Variants in DTNA observed in about 807,000 individuals in gnomAD.
DTNA encodes dystrophin-related protein 3.
DTNA carries 43 observed loss-of-function variants against 100.7 expected under a neutral mutation model. That is an observed-to-expected ratio of 0.43 (90% CI 0.33 to 0.55). DTNA has a LOEUF of 0.55. Among genes scored for constraint, DTNA ranks in the 20% least tolerant of loss-of-function variants. The probability of loss-of-function intolerance (pLI) is 0.04; values close to 1 mark genes in which losing one functional copy is unlikely to be tolerated. For missense variants in DTNA, 798 were observed against 953.9 expected (o/e 0.84, Z 2.15); for synonymous variants, 349 against 347.9 (o/e 1.00, Z -0.04).
Position 34,858,381 on chromosome 18 carries a change from A to G in DTNA, c.1629A>G (p.Ala543=), listed in dbSNP as rs1568803861. 10 of 1,614,184 alleles carry G rather than the reference A, an allele frequency of 6.2e-6. No individual in the cohort carries two copies. Among genetic ancestry groups the G allele is most frequent in the Non-Finnish European group, 8.5e-6 (10 of 1,180,034 alleles). Residue 543 remains alanine (A), a synonymous_variant, in exon 16 of 23, where the codon GCA becomes GCG. Transcript: ENST00000444659. The part of the protein sequence containing the change: ...EKAQQNPTLL[A]ELRLLRQRKD... ...CACAGCAAAACCCCACCCTGCTGGC[A>G]GAACTCCGGCTCCTCAGGTAGGAGA...
intron 1 of DTNA, among the ~76,000 whole-genome samples, chr18:34,494,763 A>C (rs147386833): frequency 6.6e-6 from 1 of 152,184 alleles, no homozygotes; most frequent in East Asian, 1.9e-4. Flanking sequence ...TTGTCTTTTG[A>C]GTTGATGCTT....
intron 6 of DTNA, 170 bp from the exon 7 acceptor site, chr18:34,815,739 G>C: frequency 1.6e-6 from 1 of 630,184 alleles, no homozygotes; most frequent in Non-Finnish European, 2.8e-6. Context: ...AGCAAACGAT[G>C]TTTTCAGTTC....
At chr18:34,660,774 G>A (rs968914918) in intron 1 of DTNA, among the ~76,000 whole-genome samples, 3 of 152,070 alleles carry the variant, frequency 2.0e-5, no homozygotes, top group Non-Finnish European at 4.4e-5. Flanking sequence ...CCAACCAATT[G>A]CCAATTAGAA....
upstream of DTNA, among the ~76,000 whole-genome samples, chr18:34,706,303 A>G (rs946705680): frequency 3.9e-5 from 6 of 152,200 alleles, no homozygotes; most frequent in Admixed American, 3.9e-4. Context: ...GTTATTTCTG[A>G]TAGTTGAATT....
intron 1 of DTNA, 39 bp downstream of exon 1, chr18:34,710,484 C>T (rs1033461469): frequency 5.9e-5 from 9 of 152,336 alleles, no homozygotes; most frequent in East Asian, 5.8e-4. Flanking sequence ...AACTCTCTGA[C>T]TTCTGTCGCA....
intron 1 of DTNA, among the ~76,000 whole-genome samples, chr18:34,511,291 GAACAATTTT>G (rs1454093373): frequency 6.6e-6 from 1 of 152,018 alleles, no homozygotes; most frequent in Non-Finnish European, 1.5e-5. Context: ...CATCTGTTAT[GAACAATTTT>G]AAACATTTCA....
At chr18:34,879,487 T>A in intron 19 of DTNA, 64 bp from the exon 20 acceptor site, 1 of 1,558,652 alleles carries the variant, frequency 6.4e-7, no homozygotes, top group African/African-American at 1.4e-5. Flanking sequence ...AGCCTACTCC[T>A]TTATTTGCAG....
At position 34,863,996 on chromosome 18, in the gene DTNA, G is replaced by A; in HGVS notation, c.1677G>A (p.Met559Ile). The change falls in exon 17 of 23, where the codon ATG becomes ATA. Residue 559 changes from methionine to isoleucine, a missense_variant. Coordinates refer to ENST00000444659, the MANE Select transcript of DTNA (RefSeq NM_001386795.1). ...GCAAAGATGAGCTGGAACAGAGAATGTCTGCTCTCCAGGAGAGCCGGAGAG... is the reference window on the plus strand; with the variant it reads ...GCAAAGATGAGCTGGAACAGAGAATATCTGCTCTCCAGGAGAGCCGGAGAG... The part of the protein sequence containing the change: ...RQRKDELEQR[M>I]SALQESRREL... 6.2e-7 allele frequency: 1 copy of A among 1,612,278 alleles called. No homozygotes were observed. The highest frequency in any genetic ancestry group is 1.1e-5 in the South Asian group (1 of 90,588).
chr18:34,659,077 TTACTG>T (rs1031547636), intron 1 of DTNA, among the ~76,000 whole-genome samples: 3 of 151,578 alleles, frequency 2.0e-5, no homozygotes, highest in African/African-American at 7.3e-5. Flanking sequence ...TCCTATCCAT[TTACTG>T]TACGTGTGTG....
chr18:34,558,164 G>C (rs113250582), intron 1 of DTNA: 1 of 152,910 alleles, frequency 6.5e-6, no homozygotes, highest in African/African-American at 2.4e-5. Flanking sequence ...TCTTTGACTC[G>C]GAAAGGGAAC....
intron 3 of DTNA, chr18:34,767,534 A>C (rs746427020): frequency 2.6e-5 from 4 of 152,308 alleles, no homozygotes; most frequent in Admixed American, 6.5e-5. Context: ...AAAGGAATTT[A>C]TTTCTTACAG....
At chr18:34,761,934 G>C (rs4799778) in intron 2 of DTNA, among the ~76,000 whole-genome samples, 12 of 151,792 alleles carry the variant, frequency 7.9e-5, no homozygotes. Context: ...ATAATGAAGA[G>C]TACATTGAAA....
chr18:34,603,598 G>A (rs2052409224), intron 1 of DTNA, among the ~76,000 whole-genome samples: 1 of 151,886 alleles, frequency 6.6e-6, no homozygotes, highest in Non-Finnish European at 1.5e-5. Flanking sequence ...GACAGAGCTT[G>A]CAATAATATT....
intron 1 of DTNA, among the ~76,000 whole-genome samples, chr18:34,577,311 ATC>A (rs1364652917): frequency 2.6e-5 from 4 of 152,176 alleles, no homozygotes; most frequent in Non-Finnish European, 5.9e-5. Context: ...TTTATGGTAT[ATC>A]TTTTACCATT....
At chr18:34,600,507 G>A (rs1417891434) in intron 1 of DTNA, among the ~76,000 whole-genome samples, 1 of 152,118 alleles carries the variant, frequency 6.6e-6, no homozygotes, top group Non-Finnish European at 1.5e-5. Flanking sequence ...TCACAGTTCA[G>A]GAATACAGAT....
intron 1 of DTNA, among the ~76,000 whole-genome samples, chr18:34,614,633 T>C (rs534345518): frequency 6.6e-6 from 1 of 152,112 alleles, no homozygotes; most frequent in Non-Finnish European, 1.5e-5. Context: ...TAACAGCAAA[T>C]GTAGTGCAGA....
chr18:34,528,125 C>G lies in DTNA; in HGVS notation c.-2+34611C>G, dbSNP rs535198079. On this transcript the variant is annotated intron_variant, in intron 1 of 19. Transcript: ENST00000283365. ...TTTAAAACTCCATCTGTTTCTAATA[C>G]ATGGCTTCTGTGAAGGCATGCCGTT... is the stretch of plus-strand genomic sequence containing the variant. 4.6e-5 allele frequency among the ~76,000 whole-genome samples: 7 copies of G among 152,166 alleles called. No homozygotes were observed. The South Asian group carries it at 1.5e-3, about 32-fold the overall frequency.
intron 1 of DTNA, among the ~76,000 whole-genome samples, chr18:34,752,872 G>A (rs1601447127): frequency 6.6e-6 from 1 of 152,148 alleles, no homozygotes; most frequent in African/African-American, 2.4e-5. Context: ...TTCTTCATAA[G>A]ACTTGATTTT....
chr18:34,600,339 A>G (rs2051528459), intron 1 of DTNA, among the ~76,000 whole-genome samples: 1 of 152,252 alleles, frequency 6.6e-6, no homozygotes, highest in Admixed American at 6.5e-5. Context: ...ACTCTGAATC[A>G]TGAAAGTTTT....
Sources: allele counts gnomAD v4.1 joint callset (sites outside exome capture counted in the v4.1 genomes callset), GRCh38; gene constraint gnomAD v4.1.1; transcripts MANE v1.5; gene names NCBI Gene and HGNC (gene_info 2026-07-23, HGNC 2026-07-21).